DOCK9: variants seen among roughly 807,000 people sequenced by gnomAD.
The protein encoded by DOCK9 is dedicator of cytokinesis 9.
A neutral mutation model predicts 263.3 loss-of-function variants in DOCK9; 89 were observed. That is an observed-to-expected ratio of 0.34 (90% CI 0.28 to 0.40). The LOEUF is 0.40. DOCK9 is among the 10% of genes least tolerant of loss of function. DOCK9 has a pLI of 1.00. For synonymous variants in DOCK9, 976 were observed against 973.1 expected (o/e 1.00, Z -0.06); for missense variants, 2,140 against 2,603.4 (o/e 0.82, Z 3.87).
intron 1 of DOCK9, among the ~76,000 whole-genome samples, chr13:99,076,600 T>G (rs929856222): frequency 6.6e-5 from 10 of 152,194 alleles, no homozygotes; most frequent in African/African-American, 2.4e-4. Flanking sequence ...ATAGAGCCTG[T>G]GCATTAGGAA....
At position 98,867,476 on chromosome 13, in the gene DOCK9, G is replaced by A. The variant is rs1379081875; in HGVS notation, c.3235C>T (p.Pro1079Ser). Reference protein sequence around the residue: ...RVVCNHEHYIPLNLPMPFGKG... With the variant: ...RVVCNHEHYISLNLPMPFGKG... Reference sequence around the variant, plus strand: ...CCAAATGGCATTGGTAAGTTCAACGGAATATAATGTTCATGGTTGCACACT... The same window carrying A: ...CCAAATGGCATTGGTAAGTTCAACGAAATATAATGTTCATGGTTGCACACT... The change falls in exon 30 of 53, where the codon CCG becomes TCG. Residue 1079 changes from proline to serine, a missense_variant. This residue lies in a region of DOCK9 where 1,521 missense variants were observed against 1,741.7 expected (regional missense o/e 0.87). Coordinates refer to ENST00000682017, the MANE Select transcript of DOCK9 (RefSeq NM_001366683.2). 6.2e-7 allele frequency: 1 copy of A among 1,612,852 alleles called. No homozygotes were observed. The highest frequency in any genetic ancestry group is 2.2e-5 in the East Asian group (1 of 44,816).
intron 1 of DOCK9, chr13:99,015,360 C>T (rs1885230361): frequency 5.9e-6 from 7 of 1,181,582 alleles, no homozygotes; most frequent in Non-Finnish European, 8.0e-6. Context: ...TATAAGTACA[C>T]TTAAATAAAT....
At chr13:98,913,395 G>A (rs1160888898) in intron 9 of DOCK9, among the ~76,000 whole-genome samples, 1 of 151,808 alleles carries the variant, frequency 6.6e-6, no homozygotes, top group Non-Finnish European at 1.5e-5. Context: ...ACAAGTACAA[G>A]GACAGTCATT....
At position 98,962,542 on chromosome 13, in the gene DOCK9, T is replaced by C. The variant is rs137893141; in HGVS notation, c.127-6991A>G. On this transcript the variant is annotated intron_variant, in intron 1 of 52. Transcript: ENST00000682017. ...CTGCTGCTGGACTCAACTGAGTCAATGCATGGAAAAGGCAAAGCCTGGCAA... is the reference window on the plus strand; with the variant it reads ...CTGCTGCTGGACTCAACTGAGTCAACGCATGGAAAAGGCAAAGCCTGGCAA... Among the ~76,000 whole-genome samples, 311 of 151,780 alleles carry C rather than the reference T, an allele frequency of 2.0e-3. 1 individual carries two copies. The highest frequency in any genetic ancestry group is 7.3e-3 in the African/African-American group (303 of 41,384).
Position 98,853,470 on chromosome 13 carries a change from T to C in DOCK9, c.3884A>G (p.Asp1295Gly). 1 of 1,613,810 alleles carries C rather than the reference T, an allele frequency of 6.2e-7. No homozygotes were observed. Among genetic ancestry groups the C allele is most frequent in the Non-Finnish European group, 8.5e-7 (1 of 1,179,804 alleles). The change falls in exon 35 of 53, where the codon GAC becomes GGC. Residue 1295 changes from aspartate to glycine, a missense_variant. Coordinates refer to ENST00000682017, the MANE Select transcript of DOCK9 (RefSeq NM_001366683.2). ...CAGTAGGCTCTTAATCTCAGACTGG[T>C]CAAGTTTATCACAGCGAACCACGGA... ...GNSVVRCDKL[D>G]QSEIKSLLMC...
intron 48 of DOCK9, among the ~76,000 whole-genome samples, chr13:98,805,483 G>A (rs7990109): frequency 0.39 from 58,896 of 151,726 alleles, 12,330 homozygotes; most frequent in East Asian, 0.62. Flanking sequence ...AGTGGTACAC[G>A]TCAGGATACT....
chr13:99,008,435 T>C (rs937706817), intron 1 of DOCK9, among the ~76,000 whole-genome samples: 5 of 151,982 alleles, frequency 3.3e-5, no homozygotes, highest in Admixed American at 6.6e-5. Flanking sequence ...GGTTTCACCA[T>C]GTTGGCCAGG....
chr13:98,821,181 C>A lies in DOCK9; in HGVS notation c.5130+3217G>T, dbSNP rs373038313. Among the ~76,000 whole-genome samples, 223 of 152,298 alleles carry A rather than the reference C, an allele frequency of 1.5e-3. 10 individuals are homozygous for A. In the South Asian group the frequency reaches 0.043, roughly 29 times the overall value. ...TGGGCTCTGCTCTGAGAAGCAGACA[C>A]TGCAGGACTCGTGCATGGTGACTTC... On this transcript the variant is annotated intron_variant, in intron 45 of 52. Transcript: ENST00000682017.
At chr13:99,053,420 T>C (rs1016155066) in intron 1 of DOCK9, among the ~76,000 whole-genome samples, 1 of 152,242 alleles carries the variant, frequency 6.6e-6, no homozygotes, top group Non-Finnish European at 1.5e-5. Context: ...AAATAGCTCA[T>C]TATGCTTCTA....
intron 2 of DOCK9, among the ~76,000 whole-genome samples, chr13:98,936,939 A>G (rs1263003584): frequency 6.6e-6 from 1 of 152,252 alleles, no homozygotes; most frequent in African/African-American, 2.4e-5. Context: ...CAATACTAAG[A>G]GATTTATACT....
chr13:98,952,788 T>C (rs2057593830), intron 2 of DOCK9, among the ~76,000 whole-genome samples: 1 of 152,216 alleles, frequency 6.6e-6, no homozygotes. Context: ...TAAATTGTCA[T>C]TTCAAATATA....
chr13:99,061,260 G>A (rs900816785), intron 1 of DOCK9, among the ~76,000 whole-genome samples: 1 of 152,136 alleles, frequency 6.6e-6, no homozygotes, highest in Admixed American at 6.5e-5. Context: ...AAAAGACAAT[G>A]AAGGATGTCA....
intron 27 of DOCK9, among the ~76,000 whole-genome samples, chr13:98,879,049 T>G (rs1166178229): frequency 2.6e-5 from 4 of 152,222 alleles, no homozygotes; most frequent in Non-Finnish European, 5.9e-5. Flanking sequence ...ACTACTTCAC[T>G]GTCACAAGGA....
At chr13:98,808,719 TATA>T in intron 47 of DOCK9, 1 of 1,334,088 alleles carries the variant, frequency 7.5e-7, no homozygotes, top group Non-Finnish European at 1.1e-6. Context: ...TTGAAGGTTA[TATA>T]ATGCTCATAG....
At position 98,829,889 on chromosome 13, in the gene DOCK9, C is replaced by T. The variant is rs539675974; in HGVS notation, c.4636-133G>A. ...TGGGGGGTGCTTTGAGCAGGGGTCG[C>T]TCCGTGTAGGAAACAATGTCTGAGG... On this transcript the variant is annotated intron_variant, in intron 41 of 52. Transcript: ENST00000682017. The surrounding 1 kb of genome is among the most constrained non-coding windows in gnomAD (Gnocchi z 4.1). 5.9e-6 allele frequency: 4 copies of T among 679,756 alleles called. No homozygotes were observed. In the East Asian group the frequency reaches 1.1e-4, roughly 19 times the overall value. The allele number at this position is 679,756 out of a possible 1,614,324, so 42.1% of individuals were successfully genotyped here. A position where few individuals can be genotyped will look rare whatever the true frequency, so the allele number is the denominator to read the frequency against.
intron 2 of DOCK9, among the ~76,000 whole-genome samples, chr13:98,934,948 C>T (rs1289547731): frequency 1.3e-5 from 2 of 152,100 alleles, no homozygotes; most frequent in Non-Finnish European, 2.9e-5. Context: ...AATATAGTTG[C>T]TATTCTTTTA....
intron 49 of DOCK9, among the ~76,000 whole-genome samples, chr13:98,802,584 G>T (rs2090243637): frequency 6.6e-6 from 1 of 152,212 alleles, no homozygotes. Flanking sequence ...TTCCATGAAA[G>T]AAGTGGAGGA....
At position 98,874,531 on chromosome 13, in the gene DOCK9, G is replaced by A. The variant is rs192250310; in HGVS notation, c.2943+5367C>T. On this transcript the variant is annotated intron_variant, in intron 27 of 52. Transcript: ENST00000682017. ...TAGACGTGGAACTGCAGGGTTGAAT[G>A]AATGGTTCTGTCTGAATAATCTCCC... Among the ~76,000 whole-genome samples the A allele has an allele frequency of 3.9e-5, 6 of 152,296 alleles. No individual in the cohort carries two copies. The East Asian group carries it at 7.7e-4, about 20-fold the overall frequency.
At chr13:98,977,570 A>G (rs922376639) in intron 1 of DOCK9, among the ~76,000 whole-genome samples, 3 of 152,228 alleles carry the variant, frequency 2.0e-5, no homozygotes, top group Non-Finnish European at 4.4e-5. Flanking sequence ...CCCAGAAACC[A>G]TATTCACCCA....
Sources: allele counts gnomAD v4.1 joint callset (sites outside exome capture counted in the v4.1 genomes callset), GRCh38; gene constraint gnomAD v4.1.1; regional missense constraint gnomAD v4.1.1; non-coding constraint Gnocchi (gnomAD v3.1); transcripts MANE v1.5; gene names NCBI Gene and HGNC (gene_info 2026-07-23, HGNC 2026-07-21).